The following NCBP3 variants were observed in gnomAD, a reference collection of about 807,000 sequenced individuals.
NCBP3 encodes nuclear cap binding subunit 3.
NCBP3 carries 20 observed loss-of-function variants against 75.7 expected under a neutral mutation model. That is an observed-to-expected ratio of 0.26 (90% CI 0.19 to 0.38). The LOEUF (loss-of-function observed/expected upper bound fraction) is 0.38, where lower values mean the gene tolerates loss of function less well. NCBP3 is among the 10% of genes least tolerant of loss of function. The pLI is 1.00. For missense variants in NCBP3, 678 were observed against 796.9 expected (o/e 0.85, Z 1.80); for synonymous variants, 293 against 290.5 (o/e 1.01, Z -0.09).
rs557027879 is a variant in NCBP3, at chr17:3,812,841, C to T, written c.*203G>A. 5.3e-5 allele frequency: 74 copies of T among 1,409,518 alleles called. No individual in the cohort carries two copies. The African/African-American group carries it at 8.7e-4, about 16-fold the overall frequency. 87.3% of individuals were successfully genotyped at this position (1,409,518 alleles called of 1,614,324 possible). ...TGGGAAAGGAATCGAGGGCCCAGAACTACAACTCTGCAGCGAAAGATAGAG... is the reference window on the plus strand; with the variant it reads ...TGGGAAAGGAATCGAGGGCCCAGAATTACAACTCTGCAGCGAAAGATAGAG... On this transcript the variant is annotated 3_prime_UTR_variant, in exon 13 of 13. Transcript: ENST00000389005.
At chr17:3,829,824 G>A (rs1056405489) in intron 3 of NCBP3, among the ~76,000 whole-genome samples, 1 of 152,116 alleles carries the variant, frequency 6.6e-6, no homozygotes, top group African/African-American at 2.4e-5. Flanking sequence ...GATGCTACAA[G>A]TCAATTAAGA....
intron 4 of NCBP3, among the ~76,000 whole-genome samples, 165 bp downstream of exon 4, chr17:3,829,078 G>A (rs986211457): frequency 6.6e-6 from 1 of 152,172 alleles, no homozygotes; most frequent in Non-Finnish European, 1.5e-5. Context: ...ACTGGCAAGG[G>A]CATGCTGCGT....
At chr17:3,829,579 G>C (rs548087033) in intron 3 of NCBP3, among the ~76,000 whole-genome samples, 1 of 152,212 alleles carries the variant, frequency 6.6e-6, no homozygotes, top group South Asian at 2.1e-4. Flanking sequence ...TTCAGAACAG[G>C]CCTATCAGGC....
intron 9 of NCBP3, among the ~76,000 whole-genome samples, chr17:3,820,401 C>T (rs917748794): frequency 1.3e-5 from 2 of 152,084 alleles, no homozygotes; most frequent in African/African-American, 4.8e-5. Flanking sequence ...TTCTATTAGG[C>T]ATGTAGAAGA....
rs1050118106 is a variant in NCBP3 at position 3,807,404 on chromosome 17, A to T, written c.*5640T>A. 1.3e-5 allele frequency: 2 copies of T among 151,734 alleles called. No homozygotes were observed. Among genetic ancestry groups the T allele is most frequent in the Non-Finnish European group, 1.5e-5 (1 of 67,924 alleles). 9.4% of individuals were successfully genotyped at this position (151,734 alleles called of 1,614,324 possible). A position where few individuals can be genotyped will look rare whatever the true frequency, so the allele number is the denominator to read the frequency against. On this transcript the variant is annotated 3_prime_UTR_variant, in exon 13 of 13. Transcript: ENST00000389005. ...AGTTTACTCAGGTCTATTTAATGAG[A>T]TTTTTTTTTCTTATACAACCATATG...
intron 3 of NCBP3, among the ~76,000 whole-genome samples, chr17:3,837,303 C>T (rs916992219): frequency 2.0e-5 from 3 of 151,878 alleles, no homozygotes; most frequent in Non-Finnish European, 4.4e-5. Context: ...TCAAGACCAG[C>T]CTGGCCAAGA....
At chr17:3,817,027 T>C (rs920599482) in intron 10 of NCBP3, among the ~76,000 whole-genome samples, 13 of 148,788 alleles carry the variant, frequency 8.7e-5, no homozygotes, top group Admixed American at 7.4e-4. Context: ...AGAGCGAGAC[T>C]CCGTCTCAAA....
rs182332222 is a variant in NCBP3, at chr17:3,804,545, T to A, written c.*8499A>T. On this transcript the variant is annotated 3_prime_UTR_variant, in exon 13 of 13. Transcript: ENST00000389005. ...TGGGCGACAAGAGCAAGACTTCATCTCCAAAAAAAACAGAAAGGGCTGCCT... is the reference window on the plus strand; with the variant it reads ...TGGGCGACAAGAGCAAGACTTCATCACCAAAAAAAACAGAAAGGGCTGCCT... 1 of 151,456 alleles carries A rather than the reference T, an allele frequency of 6.6e-6. No homozygotes were observed. Among genetic ancestry groups the A allele is most frequent in the Admixed American group, 6.6e-5 (1 of 15,224 alleles). The allele number at this position is 151,456 out of a possible 1,614,324, so 9.4% of individuals were successfully genotyped here.
intron 3 of NCBP3, among the ~76,000 whole-genome samples, chr17:3,836,365 C>T (rs760665317): frequency 1.2e-4 from 19 of 152,252 alleles, no homozygotes; most frequent in Non-Finnish European, 2.6e-4. Flanking sequence ...ATAAGAATTC[C>T]TGTCATTGGC....
chr17:3,831,970 T>A, intron 3 of NCBP3, among the ~76,000 whole-genome samples: 1 of 120,996 alleles, frequency 8.3e-6, no homozygotes, highest in Non-Finnish European at 2.0e-5. Flanking sequence ...GATCACTTGA[T>A]GTCAGGAGTT....
rs1180046430 is a variant in NCBP3, at chr17:3,829,360, T to C, written c.364A>G (p.Lys122Glu). 1.3e-6 allele frequency: 2 copies of C among 1,551,800 alleles called. No homozygotes were observed. Among genetic ancestry groups the C allele is most frequent in the Admixed American group, 2.0e-5 (1 of 50,992 alleles). ...ATATAGATTGTCTCCAGTCTCACCT[T>C]GGGGATTGCTAGAAAGACAAGACAC... Reference protein sequence around the residue: ...DRDMMKKAIPKVRLETIYICG... With the variant: ...DRDMMKKAIPEVRLETIYICG... The change falls in exon 4 of 13, where the codon AAG becomes GAG. Residue 122 changes from lysine to glutamate, a missense_variant. Physicochemically the swap from Lys to Glu is moderately conservative, Grantham distance 56 (BLOSUM62 1). Around this residue, in one of 7 missense-constraint regions of NCBP3, gnomAD observed 40 missense variants for 41.3 expected, o/e 0.97. Transcript: ENST00000389005.
intron 7 of NCBP3, chr17:3,822,386 T>G (rs2053684568): frequency 5.4e-6 from 1 of 184,358 alleles, no homozygotes; most frequent in South Asian, 1.8e-4. Context: ...TCAAAAAGAC[T>G]TTCTCAAAAT....
chr17:3,836,598 AG>A (rs1228621461), intron 3 of NCBP3, among the ~76,000 whole-genome samples: 1 of 149,000 alleles, frequency 6.7e-6, no homozygotes, highest in Non-Finnish European at 1.5e-5. Flanking sequence ...GGTTATAGTG[AG>A]CCAAGATTGC....
At chr17:3,838,455 A>C (rs2054012880) in intron 3 of NCBP3, among the ~76,000 whole-genome samples, 1 of 152,242 alleles carries the variant, frequency 6.6e-6, no homozygotes, top group South Asian at 2.1e-4. Context: ...ACTTCTCCTC[A>C]AACAGAAACC....
At chr17:3,820,660 C>T (rs192094552) in intron 9 of NCBP3, among the ~76,000 whole-genome samples, 4 of 152,304 alleles carry the variant, frequency 2.6e-5, no homozygotes, top group Admixed American at 6.5e-5. Flanking sequence ...TGGCTAGGCG[C>T]GGTAGCTCAC....
chr17:3,813,041 G>C lies in NCBP3; in HGVS notation c.*3C>G. ...AGGGCAGCTGCCATAGGCCCCAGGG[G>C]CATCAGGACTCTGCCTCTGAACCAG... On this transcript the variant is annotated 3_prime_UTR_variant, in exon 13 of 13. Transcript: ENST00000389005. 1 of 1,614,114 alleles carries C rather than the reference G, an allele frequency of 6.2e-7. No homozygotes were observed. The highest frequency in any genetic ancestry group is 8.5e-7 in the Non-Finnish European group (1 of 1,180,002).
At chr17:3,815,653 G>GT in intron 11 of NCBP3, among the ~76,000 whole-genome samples, 1 of 152,158 alleles carries the variant, frequency 6.6e-6, no homozygotes. Context: ...TGGAAAAAAA[G>GT]TAAGACATAA....
chr17:3,842,041 A>C (rs79896069), intron 2 of NCBP3, among the ~76,000 whole-genome samples: 2,168 of 152,278 alleles, frequency 0.014, 50 homozygotes, highest in African/African-American at 0.049. Context: ...ACTACATATA[A>C]GGAAAATAAT....
At chr17:3,825,965 C>G in intron 5 of NCBP3, 122 bp from the exon 6 acceptor site, 1 of 1,417,768 alleles carries the variant, frequency 7.1e-7, no homozygotes, top group Non-Finnish European at 9.6e-7. Flanking sequence ...CTGATGATCT[C>G]AAGCATCATA....
Sources: allele counts gnomAD v4.1 joint callset (sites outside exome capture counted in the v4.1 genomes callset), GRCh38; gene constraint gnomAD v4.1.1; regional missense constraint gnomAD v4.1.1; transcripts MANE v1.5; gene names NCBI Gene and HGNC (gene_info 2026-07-23, HGNC 2026-07-21).